Variants in DSCAM observed in about 807,000 individuals in gnomAD.
The protein encoded by DSCAM is cell adhesion molecule DSCAM.
DSCAM carries 47 observed loss-of-function variants against 217.7 expected under a neutral mutation model. The observed-to-expected ratio is 0.22, with a 90% CI of 0.17 to 0.28. The LOEUF (loss-of-function observed/expected upper bound fraction) is 0.28. Among genes scored for constraint, DSCAM ranks in the 10% least tolerant of loss-of-function variants. The probability of loss-of-function intolerance (pLI) is 1.00; values close to 1 mark genes in which losing one functional copy is unlikely to be tolerated. For missense variants in DSCAM, 2,080 were observed against 2,618.3 expected, an observed-to-expected ratio of 0.79 and a Z score of 4.49; for synonymous variants, 1,056 against 1,015.3, an observed-to-expected ratio of 1.04 and a Z score of -0.76.
intron 3 of DSCAM, among the ~76,000 whole-genome samples, chr21:40,465,280 T>G (rs1024530961): frequency 1.6e-4 from 25 of 152,150 alleles, no homozygotes; most frequent in African/African-American, 6.0e-4. Context: ...TTGGCCTCCT[T>G]TGCACCTGCT....
intron 30 of DSCAM, 59 bp downstream of exon 30, chr21:40,051,899 A>T: frequency 6.5e-7 from 1 of 1,546,386 alleles, no homozygotes; most frequent in Non-Finnish European, 8.7e-7. Context: ...GAGAAAGAAC[A>T]TTACTATGTT....
intron 1 of DSCAM, among the ~76,000 whole-genome samples, chr21:40,717,375 T>G (rs1229377861): frequency 6.6e-6 from 1 of 152,166 alleles, no homozygotes; most frequent in Non-Finnish European, 1.5e-5. Flanking sequence ...CACACAAAAC[T>G]GTGAGCAAAT....
At chr21:40,324,128 AAAAG>A (rs2074291901) in intron 8 of DSCAM, among the ~76,000 whole-genome samples, 77 of 133,246 alleles carry the variant, frequency 5.8e-4, no homozygotes, top group African/African-American at 2.7e-3. Context: ...AAAAAAAAAA[AAAAG>A]AAAAAAAAAA....
intron 27 of DSCAM, among the ~76,000 whole-genome samples, chr21:40,066,528 G>A (rs1031116530): frequency 6.6e-6 from 1 of 152,212 alleles, no homozygotes; most frequent in Non-Finnish European, 1.5e-5. Flanking sequence ...ATGAGGCTGA[G>A]AAAGACGCTG....
At chr21:40,089,595 C>A (rs1355600532) in intron 21 of DSCAM, among the ~76,000 whole-genome samples, 1 of 152,186 alleles carries the variant, frequency 6.6e-6, no homozygotes, top group Non-Finnish European at 1.5e-5. Context: ...TTGGACCCTG[C>A]TACCTGTCGC....
intron 1 of DSCAM, among the ~76,000 whole-genome samples, chr21:40,712,697 A>G (rs1358539287): frequency 6.6e-6 from 1 of 152,132 alleles, no homozygotes; most frequent in Non-Finnish European, 1.5e-5. Flanking sequence ...TTGATAATAT[A>G]ATGTAACCTT....
chr21:40,185,902 G>T (rs1261456194), intron 14 of DSCAM, among the ~76,000 whole-genome samples: 1 of 152,114 alleles, frequency 6.6e-6, no homozygotes, highest in Admixed American at 6.6e-5. Context: ...CTTGGCTACG[G>T]TGAGACTTGC....
intron 3 of DSCAM, among the ~76,000 whole-genome samples, chr21:40,497,964 C>A (rs1031369900): frequency 1.3e-5 from 2 of 152,094 alleles, no homozygotes; most frequent in African/African-American, 4.8e-5. Flanking sequence ...TACTGGATTT[C>A]GAGTATAATC....
chr21:40,271,773 C>CT (rs1472396398), intron 11 of DSCAM, among the ~76,000 whole-genome samples: 2 of 152,192 alleles, frequency 1.3e-5, no homozygotes, highest in African/African-American at 4.8e-5. Context: ...ACTTGATAGC[C>CT]TATCTTTACA....
intron 3 of DSCAM, among the ~76,000 whole-genome samples, chr21:40,509,723 C>T (rs1382353611): frequency 6.6e-6 from 1 of 152,220 alleles, no homozygotes; most frequent in African/African-American, 2.4e-5. Flanking sequence ...GGCCCAAGCA[C>T]AATGCCATCC....
intron 11 of DSCAM, among the ~76,000 whole-genome samples, chr21:40,197,127 T>G (rs2061755272): frequency 2.1e-5 from 3 of 142,692 alleles, no homozygotes; most frequent in Admixed American, 6.7e-5. Flanking sequence ...TCTTTCTTTT[T>G]TTCTTTTTTG....
Position 40,764,799 on chromosome 21 carries a change from A to T in DSCAM, c.44-56028T>A, listed in dbSNP as rs537728796. On this transcript the variant is annotated intron_variant, in intron 1 of 32. Coordinates refer to ENST00000400454, the MANE Select transcript of DSCAM (RefSeq NM_001389.5). Reference sequence around the variant, plus strand: ...AAATGAATGAGTTCATGTCCTTTGCAAGGTCATGGATGAAGCTGGAAACCA... The same window carrying T: ...AAATGAATGAGTTCATGTCCTTTGCTAGGTCATGGATGAAGCTGGAAACCA... Among the ~76,000 whole-genome samples the T allele has an allele frequency of 1.2e-4, 18 of 152,312 alleles. No individual in the cohort carries two copies. In the South Asian group the frequency reaches 3.7e-3, roughly 32 times the overall value.
intron 11 of DSCAM, among the ~76,000 whole-genome samples, chr21:40,251,413 G>A (rs987965651): frequency 3.3e-5 from 5 of 151,950 alleles, no homozygotes; most frequent in African/African-American, 9.7e-5. Flanking sequence ...TGTGAGGGAG[G>A]GTTTTTCTCA....
intron 3 of DSCAM, among the ~76,000 whole-genome samples, chr21:40,414,243 C>T (rs890912996): frequency 6.6e-6 from 1 of 152,030 alleles, no homozygotes; most frequent in Non-Finnish European, 1.5e-5. Context: ...GATAAGGGAC[C>T]GGTATCTAGC....
At chr21:40,271,937 C>T (rs2073623008) in intron 11 of DSCAM, among the ~76,000 whole-genome samples, 1 of 152,276 alleles carries the variant, frequency 6.6e-6, no homozygotes, top group Middle Eastern at 3.4e-3. Context: ...TCATCCTTTC[C>T]CCTTTAAATT....
Position 40,640,925 on chromosome 21 carries a change from C to T in DSCAM, c.508+51885G>A, listed in dbSNP as rs535454557. Among the ~76,000 whole-genome samples, 14 of 152,164 alleles carry T rather than the reference C, an allele frequency of 9.2e-5. No individual in the cohort carries two copies. The South Asian group carries it at 2.1e-3, about 23-fold the overall frequency. ...AACTTCTACGGTGTTTTACACAGTA[C>T]GTGAAAGCAATTTAGGAAATTATTC... On this transcript the variant is annotated intron_variant, in intron 3 of 32. Coordinates refer to ENST00000400454, the MANE Select transcript of DSCAM (RefSeq NM_001389.5).
At chr21:40,231,245 C>T (rs1257153384) in intron 11 of DSCAM, among the ~76,000 whole-genome samples, 1 of 151,150 alleles carries the variant, frequency 6.6e-6, no homozygotes, top group African/African-American at 2.4e-5. Flanking sequence ...AGTGTGAGGA[C>T]GACCCCAAGA....
At chr21:40,653,012 T>C (rs2146363511) in intron 3 of DSCAM, among the ~76,000 whole-genome samples, 1 of 152,300 alleles carries the variant, frequency 6.6e-6, no homozygotes, top group African/African-American at 2.4e-5. Context: ...TCTGTATGTG[T>C]TGTCACAACT....
chr21:40,453,181 T>C (rs1484713998), intron 3 of DSCAM, among the ~76,000 whole-genome samples: 5 of 152,088 alleles, frequency 3.3e-5, no homozygotes, highest in Non-Finnish European at 5.9e-5. Context: ...TCAAGCTTAA[T>C]GTATAACCTT....
Sources: allele counts gnomAD v4.1 joint callset (sites outside exome capture counted in the v4.1 genomes callset), GRCh38; gene constraint gnomAD v4.1.1; transcripts MANE v1.5; gene names NCBI Gene and HGNC (gene_info 2026-07-23, HGNC 2026-07-21).